GRIK1: variants seen among roughly 807,000 people sequenced by gnomAD.
The protein encoded by GRIK1 is glutamate ionotropic receptor kainate type subunit 1.
GRIK1 carries 69 observed loss-of-function variants against 105.7 expected under a neutral mutation model. That is an observed-to-expected ratio of 0.65 (90% confidence interval 0.54 to 0.80). GRIK1 has a LOEUF of 0.80. Among genes scored for constraint, GRIK1 ranks in the 30% least tolerant of loss-of-function variants. The probability of loss-of-function intolerance (pLI) is 0.00; values close to 1 mark genes in which losing one functional copy is unlikely to be tolerated. For synonymous variants in GRIK1, 438 were observed against 431.3 expected (o/e 1.02, Z -0.19); for missense variants, 1,109 against 1,167.3 (o/e 0.95, Z 0.73).
intron 2 of GRIK1, among the ~76,000 whole-genome samples, chr21:29,692,767 G>T (rs1205037756): frequency 2.0e-5 from 3 of 152,078 alleles, no homozygotes; most frequent in Non-Finnish European, 4.4e-5. Context: ...TAGAGACAGG[G>T]TTTCACCATG....
At chr21:29,784,057 T>C (rs967599605) in intron 1 of GRIK1, among the ~76,000 whole-genome samples, 25 of 152,170 alleles carry the variant, frequency 1.6e-4, no homozygotes, top group African/African-American at 5.8e-4. Flanking sequence ...CTCAGCCTCC[T>C]GAGTAGCTGG....
rs1054431404 is a variant in GRIK1 at position 29,589,135 on chromosome 21, G to T, written c.1366-93C>A. On this transcript the variant is annotated intron_variant, in intron 10 of 17. Coordinates refer to ENST00000327783, the MANE Select transcript of GRIK1 (RefSeq NM_001330994.2). The stretch of plus-strand genomic sequence containing the variant: ...TTGAAGATGTGAAATGTTTGATAAT[G>T]ATTTTGAAGAGCTGAGAGTACTGAA... The T allele has an allele frequency of 6.9e-6, 5 of 722,776 alleles. No homozygotes were observed. The Middle Eastern group carries it at 1.0e-3, about 144-fold the overall frequency. The allele number at this position is 722,776 out of a possible 1,614,324, so 44.8% of individuals were successfully genotyped here.
chr21:29,816,022 G>C (rs2145908387), intron 1 of GRIK1, among the ~76,000 whole-genome samples: 1 of 152,106 alleles, frequency 6.6e-6, no homozygotes, highest in South Asian at 2.1e-4. Flanking sequence ...TCTATTGATG[G>C]GAAAAAATAC....
intron 16 of GRIK1, among the ~76,000 whole-genome samples, chr21:29,539,212 G>T (rs2089930982): frequency 6.6e-6 from 1 of 152,130 alleles, no homozygotes; most frequent in Non-Finnish European, 1.5e-5. Context: ...AAGTACAGAT[G>T]CTTCTCACTT....
chr21:29,675,118 A>T (rs529349400), intron 3 of GRIK1, among the ~76,000 whole-genome samples: 1 of 152,308 alleles, frequency 6.6e-6, no homozygotes, highest in South Asian at 2.1e-4. Context: ...TTAAATGAGG[A>T]ATTCAGGGCC....
At chr21:29,596,198 A>G in intron 9 of GRIK1, 1 of 416,112 alleles carries the variant, frequency 2.4e-6, no homozygotes, top group Non-Finnish European at 4.5e-6. Context: ...TTGAGAAGGA[A>G]TATAAATAGG....
rs563992456 is a variant in GRIK1, at chr21:29,857,308, C to G, written c.118+82075G>C. On this transcript the variant is annotated intron_variant, in intron 1 of 17. Transcript: ENST00000327783. ...GGATGCCCACAATGGACCTGTCTGA[C>G]TTCAAATTTGTGTTCTTTCCCATGA... is the stretch of plus-strand genomic sequence containing the variant. Among the ~76,000 whole-genome samples, 45 of 152,308 alleles carry G rather than the reference C, an allele frequency of 3.0e-4. 1 individual carries two copies. In the South Asian group the frequency reaches 9.1e-3, roughly 31 times the overall value.
chr21:29,823,512 T>A (rs2067362510), intron 1 of GRIK1, among the ~76,000 whole-genome samples: 1 of 151,998 alleles, frequency 6.6e-6, no homozygotes, highest in African/African-American at 2.4e-5. Flanking sequence ...AATTTGAAGC[T>A]CATGTTTCTT....
chr21:29,868,806 A>C (rs1204433966), intron 1 of GRIK1, among the ~76,000 whole-genome samples: 2 of 152,054 alleles, frequency 1.3e-5, no homozygotes, highest in Non-Finnish European at 2.9e-5. Flanking sequence ...TCAAGAAGGA[A>C]GATATGGGAA....
chr21:29,630,378 G>A lies in GRIK1; in HGVS notation c.1098+12448C>T, dbSNP rs113119928. Among the ~76,000 whole-genome samples, 789 of 152,252 alleles carry A rather than the reference G, an allele frequency of 5.2e-3. 8 individuals carry two copies. Among genetic ancestry groups the A allele is most frequent in the African/African-American group, 0.018 (744 of 41,544 alleles). On this transcript the variant is annotated intron_variant, in intron 7 of 17. Coordinates refer to ENST00000327783, the MANE Select transcript of GRIK1 (RefSeq NM_001330994.2). The stretch of plus-strand genomic sequence containing the variant: ...GTGTCATTCTATTGATTATGGCAAA[G>A]GGAAAGGAATGTTTTGCGATGCAAT...
chr21:29,695,458 A>ATCTG (rs1220473841), intron 1 of GRIK1, among the ~76,000 whole-genome samples: 8 of 144,716 alleles, frequency 5.5e-5, no homozygotes, highest in African/African-American at 2.1e-4. Context: ...CTATCTATCT[A>ATCTG]TCTATCTATC....
intron 1 of GRIK1, among the ~76,000 whole-genome samples, chr21:29,714,988 T>A (rs2064144255): frequency 6.6e-6 from 1 of 152,186 alleles, no homozygotes; most frequent in Non-Finnish European, 1.5e-5. Flanking sequence ...TCATTAGAAT[T>A]CAGAGTCCAG....
At chr21:29,583,490 C>T (rs1049701500) in intron 12 of GRIK1, among the ~76,000 whole-genome samples, 7 of 152,086 alleles carry the variant, frequency 4.6e-5, no homozygotes, top group African/African-American at 1.7e-4. Context: ...CAACCACCAG[C>T]CCCCTTCAAT....
At chr21:29,840,308 A>G (rs978590221) in intron 1 of GRIK1, among the ~76,000 whole-genome samples, 5 of 152,250 alleles carry the variant, frequency 3.3e-5, no homozygotes, top group Non-Finnish European at 5.9e-5. Flanking sequence ...CAAAGTGTTC[A>G]GGAATATTAA....
chr21:29,566,078 T>A (rs925057845), intron 14 of GRIK1, among the ~76,000 whole-genome samples: 9 of 152,224 alleles, frequency 5.9e-5, no homozygotes, highest in African/African-American at 2.2e-4. Flanking sequence ...TGGTTGAGTC[T>A]CAAATCTTAG....
At chr21:29,866,134 A>G (rs907804375) in intron 1 of GRIK1, among the ~76,000 whole-genome samples, 1 of 151,800 alleles carries the variant, frequency 6.6e-6, no homozygotes, top group African/African-American at 2.4e-5. Flanking sequence ...TGGCACAATC[A>G]CTTTTCACTA....
At chr21:29,892,231 T>C (rs546385220) in intron 1 of GRIK1, among the ~76,000 whole-genome samples, 1 of 152,246 alleles carries the variant, frequency 6.6e-6, no homozygotes, top group African/African-American at 2.4e-5. Context: ...TCTGGAGTTG[T>C]TGGTTTGGAA....
chr21:29,900,570 C>G (rs1338677752), intron 1 of GRIK1, among the ~76,000 whole-genome samples: 1 of 151,522 alleles, frequency 6.6e-6, no homozygotes, highest in African/African-American at 2.4e-5. Context: ...GTAAAGGGAT[C>G]TATTCAATAA....
At chr21:29,827,706 G>T (rs11909420) in intron 1 of GRIK1, among the ~76,000 whole-genome samples, 1 of 152,006 alleles carries the variant, frequency 6.6e-6, no homozygotes, top group African/African-American at 2.4e-5. Context: ...TAGAAAGGGG[G>T]AATGAAAGAA....
Sources: allele counts gnomAD v4.1 joint callset (sites outside exome capture counted in the v4.1 genomes callset), GRCh38; gene constraint gnomAD v4.1.1; transcripts MANE v1.5; gene names NCBI Gene and HGNC (gene_info 2026-07-23, HGNC 2026-07-21).